Variants in UBXN2A observed in about 807,000 individuals in gnomAD.
The protein encoded by UBXN2A is UBX domain-containing protein 2A.
UBXN2A carries 28 observed loss-of-function variants against 28.4 expected under a neutral mutation model. The ratio of observed to expected loss-of-function variants is 0.99; its 90% CI spans 0.73 to 1.35. The LOEUF (loss-of-function observed/expected upper bound fraction) is 1.35, where lower values mean the gene tolerates loss of function less well. Ranked by LOEUF, UBXN2A falls within the 40% of genes most tolerant of loss-of-function variation. The probability of loss-of-function intolerance (pLI) is 0.00; values close to 1 mark genes in which losing one functional copy is unlikely to be tolerated. For missense variants in UBXN2A, 253 were observed against 297.9 expected (o/e 0.85, Z 1.11); for synonymous variants, 97 against 103.6 (o/e 0.94, Z 0.39).
intron 3 of UBXN2A, among the ~76,000 whole-genome samples, 197 bp from the exon 4 acceptor site, chr2:23,976,772 G>C (rs1707681678): frequency 6.6e-6 from 1 of 152,038 alleles, no homozygotes; most frequent in Admixed American, 6.6e-5. Flanking sequence ...GTGGAAACTG[G>C]GTCTCGCTAT....
Position 23,984,793 on chromosome 2 carries a change from T to C in UBXN2A, c.546T>C (p.Asn182=), listed in dbSNP as rs1708057053. 2 of 1,560,026 alleles carry C rather than the reference T, an allele frequency of 1.3e-6. No homozygotes were observed. Among genetic ancestry groups the C allele is most frequent in the African/African-American group, 1.4e-5 (1 of 70,868 alleles). ...CTAATATACAGATCTGGTTGGCCAA[T>C]GGAAAAAGGATTGTCCAGAAATTTA... ...PITNIQIWLA[N]GKRIVQKFNI... Residue 182 remains asparagine (N), a synonymous_variant, in exon 6 of 7, where the codon AAT becomes AAC. Coordinates refer to ENST00000309033, the MANE Select transcript of UBXN2A (RefSeq NM_181713.4).
intron 1 of UBXN2A, among the ~76,000 whole-genome samples, chr2:23,930,393 G>A (rs1705333129): frequency 6.6e-6 from 1 of 152,138 alleles, no homozygotes; most frequent in Admixed American, 6.6e-5. Flanking sequence ...CACAGACATA[G>A]AGGGAATGAA....
At chr2:23,966,024 C>CT (rs1469067021) in intron 2 of UBXN2A, among the ~76,000 whole-genome samples, 1 of 152,104 alleles carries the variant, frequency 6.6e-6, no homozygotes, top group Admixed American at 6.6e-5. Context: ...CTTTGCTACT[C>CT]TTTTTTCCTG....
chr2:23,948,254 C>CTTTTTTTTTTTTT (rs60805838), intron 1 of UBXN2A, among the ~76,000 whole-genome samples: 1 of 129,186 alleles, frequency 7.7e-6, no homozygotes, highest in African/African-American at 2.8e-5. Context: ...TTTTCTTTTT[C>CTTTTTTTTTTTTT]TTTTTTTTTT....
intron 2 of UBXN2A, among the ~76,000 whole-genome samples, chr2:23,960,995 C>T (rs554674948): frequency 6.6e-6 from 1 of 152,048 alleles, no homozygotes; most frequent in South Asian, 2.1e-4. Flanking sequence ...TGCAGTTATA[C>T]AATATGTGGT....
intron 6 of UBXN2A, among the ~76,000 whole-genome samples, chr2:23,987,861 C>T (rs917767992): frequency 6.6e-6 from 1 of 151,534 alleles, no homozygotes; most frequent in Non-Finnish European, 1.5e-5. Context: ...CAGTGGCTCA[C>T]GCCTATAATC....
upstream of UBXN2A, among the ~76,000 whole-genome samples, chr2:23,936,628 G>T (rs1024393600): frequency 6.0e-5 from 9 of 151,238 alleles, no homozygotes; most frequent in Non-Finnish European, 1.3e-4. Flanking sequence ...CAAAGAAAAA[G>T]AAAAACATAC....
At chr2:23,981,063 AC>A (rs1478018231) in intron 4 of UBXN2A, among the ~76,000 whole-genome samples, 1 of 152,140 alleles carries the variant, frequency 6.6e-6, no homozygotes, top group African/African-American at 2.4e-5. Flanking sequence ...TTTAACTCAA[AC>A]AGAAAAAAAT....
intron 3 of UBXN2A, 113 bp downstream of exon 3, chr2:23,971,527 C>A: frequency 8.2e-7 from 1 of 1,212,428 alleles, no homozygotes; most frequent in Non-Finnish European, 1.1e-6. Context: ...CTTTCTCTGT[C>A]ACCCAGACTG....
intron 3 of UBXN2A, among the ~76,000 whole-genome samples, chr2:23,975,591 C>A (rs1219941585): frequency 6.6e-6 from 1 of 152,002 alleles, no homozygotes; most frequent in Non-Finnish European, 1.5e-5. Flanking sequence ...TGAAAAAAGG[C>A]TTATGTTAAA....
chr2:23,980,604 C>A (rs1707851956), intron 4 of UBXN2A, among the ~76,000 whole-genome samples: 1 of 152,030 alleles, frequency 6.6e-6, no homozygotes, highest in Non-Finnish European at 1.5e-5. Flanking sequence ...CTGTTCAAAT[C>A]CTCTGTCCAG....
At chr2:23,973,573 C>G (rs1163757829) in intron 3 of UBXN2A, among the ~76,000 whole-genome samples, 3 of 149,892 alleles carry the variant, frequency 2.0e-5, no homozygotes, top group Non-Finnish European at 4.4e-5. Context: ...CTCCTGACCT[C>G]GTGATCTGCC....
At chr2:23,944,520 A>G (rs1705949149) in intron 1 of UBXN2A, among the ~76,000 whole-genome samples, 1 of 152,194 alleles carries the variant, frequency 6.6e-6, no homozygotes, top group Non-Finnish European at 1.5e-5. Context: ...GTAATGGTGG[A>G]AAAGGGTCTA....
At chr2:23,998,324 C>T (rs1039030924) in intron 6 of UBXN2A, among the ~76,000 whole-genome samples, 4 of 152,082 alleles carry the variant, frequency 2.6e-5, no homozygotes, top group African/African-American at 9.7e-5. Context: ...ACAGAAAATA[C>T]TTGTTTTGTG....
rs1708734999 is a variant in UBXN2A, at chr2:24,002,110, A to G, written c.*2243A>G. ...TGGGCAACAAGGCAAAACTCTATCT[A>G]TAAAAATTACAAAAATTAGTGCAGT... On this transcript the variant is annotated 3_prime_UTR_variant, in exon 7 of 7. Coordinates refer to ENST00000309033, the MANE Select transcript of UBXN2A (RefSeq NM_181713.4). 6.6e-6 allele frequency: 1 copy of G among 152,150 alleles called. No individual in the cohort carries two copies. Among genetic ancestry groups the G allele is most frequent in the African/African-American group, 2.4e-5 (1 of 41,416 alleles). 9.4% of individuals were successfully genotyped at this position (152,150 alleles called of 1,614,324 possible).
At chr2:23,985,259 A>T (rs115078306) in intron 6 of UBXN2A, among the ~76,000 whole-genome samples, 10,630 of 151,504 alleles carry the variant, frequency 0.07, 435 homozygotes, top group African/African-American at 0.1. Context: ...TTATTTATTT[A>T]TTTTTTTGAG....
At chr2:23,998,533 A>G (rs945124083) in intron 6 of UBXN2A, among the ~76,000 whole-genome samples, 36 of 152,272 alleles carry the variant, frequency 2.4e-4, no homozygotes, top group African/African-American at 7.9e-4. Flanking sequence ...AGCTTGGCCA[A>G]CATGGCAAAA....
At chr2:23,987,951 A>G (rs1455263983) in intron 6 of UBXN2A, among the ~76,000 whole-genome samples, 1 of 151,636 alleles carries the variant, frequency 6.6e-6, no homozygotes, top group African/African-American at 2.4e-5. Context: ...GTAAAACCCC[A>G]TCTCTACTAA....
upstream of UBXN2A, among the ~76,000 whole-genome samples, chr2:23,935,612 T>C (rs1705501125): frequency 6.6e-6 from 1 of 151,904 alleles, no homozygotes; most frequent in African/African-American, 2.4e-5. Context: ...AAATAACAAG[T>C]GTTGGGAAGA....
Sources: gnomAD v4.1 joint callset for allele counts (sites outside exome capture counted in the v4.1 genomes callset) on GRCh38, gnomAD v4.1.1 for gene constraint, MANE v1.5 for transcripts, NCBI Gene and HGNC (gene_info 2026-07-23, HGNC 2026-07-21) for gene names.